Variants in CAGE1 observed in about 807,000 individuals in gnomAD.
The protein encoded by CAGE1 is cancer antigen 1, also known as cancer-associated gene 1 protein.
CAGE1 carries 66 observed loss-of-function variants against 94.9 expected under a neutral mutation model. The ratio of observed to expected loss-of-function variants is 0.70; its 90% CI spans 0.57 to 0.85. The LOEUF (loss-of-function observed/expected upper bound fraction) is 0.85. CAGE1 is among the 40% of genes least tolerant of loss of function. CAGE1 has a pLI of 0.00. For synonymous variants in CAGE1, 319 were observed against 321.0 expected (o/e 0.99, Z 0.07); for missense variants, 865 against 950.4 (o/e 0.91, Z 1.18).
At chr6:7,345,788 C>T (rs772031187) in intron 11 of CAGE1, among the ~76,000 whole-genome samples, 39 of 152,024 alleles carry the variant, frequency 2.6e-4, no homozygotes, top group Admixed American at 1.5e-3. Context: ...AGCTGGGCGT[C>T]GTGGCAGGCC....
chr6:7,357,053 C>T (rs1264147940), intron 9 of CAGE1, among the ~76,000 whole-genome samples: 1 of 152,158 alleles, frequency 6.6e-6, no homozygotes, highest in African/African-American at 2.4e-5. Context: ...CCCCGTCGGC[C>T]TCCCAAAGTG....
chr6:7,383,863 T>C (rs1284605146), intron 3 of CAGE1, among the ~76,000 whole-genome samples: 1 of 152,198 alleles, frequency 6.6e-6, no homozygotes, highest in African/African-American at 2.4e-5. Context: ...GATTTATTCT[T>C]AGGTACCTTA....
chr6:7,376,043 A>G (rs72821070), intron 4 of CAGE1, among the ~76,000 whole-genome samples: 1 of 152,262 alleles, frequency 6.6e-6, no homozygotes, highest in Non-Finnish European at 1.5e-5. Context: ...AAAAATGACT[A>G]AATGTTGTTA....
chr6:7,340,887 A>G (rs891380626), intron 11 of CAGE1: 9 of 425,656 alleles, frequency 2.1e-5, no homozygotes, highest in Admixed American at 1.1e-4. Flanking sequence ...TGTATGGCCA[A>G]TTTTAGCCGG....
intron 5 of CAGE1, among the ~76,000 whole-genome samples, chr6:7,372,168 T>C (rs1474305051): frequency 6.6e-6 from 1 of 152,088 alleles, no homozygotes; most frequent in African/African-American, 2.4e-5. Context: ...ACTTAGAAAA[T>C]CTTTTCTCAA....
intron 11 of CAGE1, among the ~76,000 whole-genome samples, chr6:7,344,309 G>T (rs552585725): frequency 6.6e-6 from 1 of 152,204 alleles, no homozygotes; most frequent in Non-Finnish European, 1.5e-5. Context: ...TCCCGCACTC[G>T]GAGCAGCCAG....
intron 11 of CAGE1, among the ~76,000 whole-genome samples, chr6:7,344,643 C>A (rs1039588276): frequency 1.3e-5 from 2 of 152,210 alleles, no homozygotes; most frequent in Admixed American, 6.5e-5. Context: ...CCTGCAGCCC[C>A]GGTGCCGGAT....
At chr6:7,338,732 A>G in intron 11 of CAGE1, 2 of 669,912 alleles carry the variant, frequency 3.0e-6, no homozygotes, top group African/African-American at 1.8e-5. Context: ...CAAGTCCCCA[A>G]AGTCCACTGT....
chr6:7,346,730 GTCCC>G (rs1185879750), intron 11 of CAGE1, among the ~76,000 whole-genome samples: 1 of 147,670 alleles, frequency 6.8e-6, no homozygotes, highest in East Asian at 1.9e-4. Context: ...CACACCTGTG[GTCCC>G]AGCTGCTCAG....
At chr6:7,327,617 G>A (rs950990716) in intron 13 of CAGE1, among the ~76,000 whole-genome samples, 3 of 152,172 alleles carry the variant, frequency 2.0e-5, no homozygotes, top group African/African-American at 7.2e-5. Context: ...AAGTGATTTA[G>A]CAGCATGGCA....
chr6:7,351,384 T>G (rs1759759289), intron 11 of CAGE1, among the ~76,000 whole-genome samples: 1 of 152,026 alleles, frequency 6.6e-6, no homozygotes, highest in Non-Finnish European at 1.5e-5. Context: ...GAAGAATTGG[T>G]AGCAATCCTT....
At chr6:7,359,025 G>A (rs1383841725) in intron 9 of CAGE1, among the ~76,000 whole-genome samples, 1 of 151,904 alleles carries the variant, frequency 6.6e-6, no homozygotes, top group Non-Finnish European at 1.5e-5. Flanking sequence ...CGGGTGAGTG[G>A]TATTCTCTGT....
At chr6:7,337,849 C>T (rs1214484865) in intron 11 of CAGE1, among the ~76,000 whole-genome samples, 3 of 152,138 alleles carry the variant, frequency 2.0e-5, no homozygotes, top group Non-Finnish European at 4.4e-5. Context: ...TTTGAATTTC[C>T]ATATGAGTTT....
rs569717515 is a variant in CAGE1 at position 7,338,976 on chromosome 6, A to G, written c.2370-4886T>C. ...GTCAGGCAGGGGCTTCTTAGGGCCA[A>G]TCTTACCAGTTGGGTCCCAGGGCAG... is the stretch of plus-strand genomic sequence containing the variant. On this transcript the variant is annotated intron_variant, in intron 11 of 13. Transcript: ENST00000502583. 353 of 1,609,818 alleles carry G rather than the reference A, an allele frequency of 2.2e-4. 2 individuals are homozygous for G. The African/African-American group carries it at 3.1e-3, about 14-fold the overall frequency.
chr6:7,366,074 T>G (rs1244404218), intron 7 of CAGE1, among the ~76,000 whole-genome samples, 190 bp from the exon 8 acceptor site: 3 of 151,958 alleles, frequency 2.0e-5, no homozygotes, highest in Non-Finnish European at 4.4e-5. Flanking sequence ...GGTGAAACCC[T>G]GTCTCTCCTA....
intron 6 of CAGE1, among the ~76,000 whole-genome samples, chr6:7,369,290 G>A (rs986193760): frequency 6.6e-6 from 1 of 152,136 alleles, no homozygotes; most frequent in Non-Finnish European, 1.5e-5. Flanking sequence ...TTACAGGCGT[G>A]AGCCACCGCA....
chr6:7,343,153 C>G (rs978377682), intron 11 of CAGE1, among the ~76,000 whole-genome samples: 5 of 146,538 alleles, frequency 3.4e-5, no homozygotes, highest in African/African-American at 1.3e-4. Context: ...GGCACCACTG[C>G]ACTCCAGCCC....
chr6:7,345,125 A>G (rs1020194263), intron 11 of CAGE1, among the ~76,000 whole-genome samples: 2 of 151,206 alleles, frequency 1.3e-5, no homozygotes, highest in African/African-American at 2.4e-5. Context: ...TGCTCTTTAG[A>G]TCCATATTGC....
chr6:7,384,536 G>T (rs750923370), intron 3 of CAGE1, among the ~76,000 whole-genome samples: 5 of 152,012 alleles, frequency 3.3e-5, no homozygotes, highest in Non-Finnish European at 7.4e-5. Context: ...GGACACCGAG[G>T]CAGGAGACTC....
Sources: allele counts gnomAD v4.1 joint callset (sites outside exome capture counted in the v4.1 genomes callset), GRCh38; gene constraint gnomAD v4.1.1; transcripts MANE v1.5; gene names NCBI Gene and HGNC (gene_info 2026-07-23, HGNC 2026-07-21).